PRKACB: variants seen among roughly 807,000 people sequenced by gnomAD.
The protein encoded by PRKACB is protein kinase cAMP-activated catalytic subunit beta, also known as cAMP-dependent protein kinase catalytic subunit beta.
In PRKACB, 16 loss-of-function variants were observed where a neutral mutation model predicts 51.4. That is an observed-to-expected ratio of 0.31 (90% CI 0.21 to 0.47). The LOEUF (loss-of-function observed/expected upper bound fraction) is 0.47, where lower values mean the gene tolerates loss of function less well. PRKACB is among the 20% of genes least tolerant of loss of function. The probability of loss-of-function intolerance (pLI) is 1.00; values close to 1 mark genes in which losing one functional copy is unlikely to be tolerated. For missense variants in PRKACB, 309 were observed against 464.5 expected (o/e 0.67, Z 3.08); for synonymous variants, 147 against 154.4 (o/e 0.95, Z 0.35).
intron 1 of PRKACB, among the ~76,000 whole-genome samples, chr1:84,083,903 T>C (rs1441511748): frequency 6.6e-6 from 1 of 152,210 alleles, no homozygotes; most frequent in Non-Finnish European, 1.5e-5. Flanking sequence ...GTACACATAA[T>C]TGAGCTCCTA....
In PRKACB at chr1:84,180,208, A is replaced by ATATATATATATATATATATG. The variant is rs933229907; in HGVS notation, c.249+971_249+972insATATATATATATATATATGT. Among the ~76,000 whole-genome samples, 6 of 129,934 alleles carry ATATATATATATATATATATG rather than the reference A, an allele frequency of 4.6e-5. No individual in the cohort carries two copies. The Admixed American group carries it at 4.8e-4, about 10-fold the overall frequency. 85.2% of individuals were successfully genotyped at this position (129,934 alleles called of 152,430 possible). On this transcript the variant is annotated intron_variant, in intron 2 of 9. Coordinates refer to ENST00000370685, the MANE Select transcript of PRKACB (RefSeq NM_182948.4). The stretch of plus-strand genomic sequence containing the variant: ...GATATATATATATATATATATATAT[A>ATATATATATATATATATATG]TGTATGATGGAGTACTATGCAGCCA...
intron 1 of PRKACB, among the ~76,000 whole-genome samples, chr1:84,152,612 A>G (rs1654979044): frequency 6.6e-6 from 1 of 152,208 alleles, no homozygotes. Flanking sequence ...TGTTATAGAA[A>G]GGGCTTCTTT....
chr1:84,145,435 A>G (rs1016235418), intron 1 of PRKACB, among the ~76,000 whole-genome samples: 3 of 152,096 alleles, frequency 2.0e-5, no homozygotes, highest in Non-Finnish European at 4.4e-5. Flanking sequence ...CTGTTTATGT[A>G]TTTGGTAGCA....
intron 3 of PRKACB, among the ~76,000 whole-genome samples, chr1:84,183,446 A>C (rs1401611178): frequency 6.6e-6 from 1 of 151,804 alleles, no homozygotes; most frequent in Non-Finnish European, 1.5e-5. Context: ...ATATAAAATA[A>C]ATTTTTAGAA....
intron 1 of PRKACB, among the ~76,000 whole-genome samples, chr1:84,148,234 A>G (rs2100622221): frequency 6.6e-6 from 1 of 152,206 alleles, no homozygotes; most frequent in South Asian, 2.1e-4. Flanking sequence ...GCATCCTCTC[A>G]GGTATCATCT....
At chr1:84,226,285 T>C (rs1674589778) in intron 9 of PRKACB, among the ~76,000 whole-genome samples, 1 of 150,052 alleles carries the variant, frequency 6.7e-6, no homozygotes. Flanking sequence ...TTTTTTTTTT[T>C]GGTCTCTCTA....
Position 84,159,319 on chromosome 1 carries a change from G to A in PRKACB, c.187+14771G>A, listed in dbSNP as rs757463024. On this transcript the variant is annotated intron_variant, in intron 1 of 9. Coordinates refer to ENST00000370685, the MANE Select transcript of PRKACB (RefSeq NM_182948.4). ...TTACATATTCTTTAATTTCTTTAGCGTTCCAGTCTTGTAAAAATGATTTCT... is the reference window on the plus strand; with the variant it reads ...TTACATATTCTTTAATTTCTTTAGCATTCCAGTCTTGTAAAAATGATTTCT... Among the ~76,000 whole-genome samples, 149 of 151,948 alleles carry A rather than the reference G, an allele frequency of 9.8e-4. 2 individuals carry two copies. Among genetic ancestry groups the A allele is most frequent in the Middle Eastern group, 6.8e-3 (2 of 292 alleles).
chr1:84,141,118 AAATT>A (rs1354176590), upstream of PRKACB, among the ~76,000 whole-genome samples: 4 of 152,084 alleles, frequency 2.6e-5, no homozygotes, highest in East Asian at 1.9e-4. Flanking sequence ...ATAATTTTAA[AAATT>A]AATGCAGAAT....
At chr1:84,080,219 T>A (rs1289644049) in intron 1 of PRKACB, among the ~76,000 whole-genome samples, 4 of 152,204 alleles carry the variant, frequency 2.6e-5, no homozygotes, top group African/African-American at 9.7e-5. Flanking sequence ...TAGACTCTTC[T>A]GTGACCTGTA....
intron 1 of PRKACB, among the ~76,000 whole-genome samples, chr1:84,080,320 A>G (rs1475710860): frequency 6.6e-6 from 1 of 152,246 alleles, no homozygotes; most frequent in East Asian, 1.9e-4. Context: ...TACTGAAAAC[A>G]GAATGGAAAC....
At chr1:84,109,825 C>T (rs983465972) in intron 1 of PRKACB, among the ~76,000 whole-genome samples, 1 of 151,778 alleles carries the variant, frequency 6.6e-6, no homozygotes, top group South Asian at 2.1e-4. Context: ...ATTTTATGCT[C>T]ATATTTCTAT....
intron 9 of PRKACB, among the ~76,000 whole-genome samples, chr1:84,223,766 A>T (rs1332376170): frequency 1.3e-5 from 2 of 152,120 alleles, no homozygotes; most frequent in South Asian, 4.1e-4. Flanking sequence ...GTGTTCTCTT[A>T]TATCTCACTG....
chr1:84,168,709 A>G (rs1571980387), intron 1 of PRKACB, among the ~76,000 whole-genome samples: 1 of 151,582 alleles, frequency 6.6e-6, no homozygotes, highest in East Asian at 1.9e-4. Flanking sequence ...GCTTTTCTTT[A>G]TGGAAAAGAA....
At chr1:84,219,940 G>A (rs1673457936) in intron 9 of PRKACB, among the ~76,000 whole-genome samples, 1 of 151,774 alleles carries the variant, frequency 6.6e-6, no homozygotes, top group Non-Finnish European at 1.5e-5. Context: ...AGGCTCTTTT[G>A]TGGTTCCATA....
At chr1:84,125,399 A>G (rs1458056985) in intron 1 of PRKACB, among the ~76,000 whole-genome samples, 1 of 152,168 alleles carries the variant, frequency 6.6e-6, no homozygotes, top group Non-Finnish European at 1.5e-5. Flanking sequence ...TTCAAGAGCA[A>G]ATTTTTTTAG....
At position 84,214,408 on chromosome 1, in the gene PRKACB, T is replaced by G. The variant is rs1463845239; in HGVS notation, c.1071+91T>G. 1.4e-5 allele frequency: 17 copies of G among 1,222,358 alleles called. No homozygotes were observed. In the South Asian group the frequency reaches 1.7e-4, roughly 13 times the overall value. 75.7% of individuals were successfully genotyped at this position (1,222,358 alleles called of 1,614,324 possible). On this transcript the variant is annotated intron_variant, in intron 9 of 9. Coordinates refer to ENST00000370685, the MANE Select transcript of PRKACB (RefSeq NM_182948.4). Reference sequence around the variant, plus strand: ...ATATTTTCAACTTAACACATAGTTTTAATTTTTTTACCTTTTGAATTAATC... The same window carrying G: ...ATATTTTCAACTTAACACATAGTTTGAATTTTTTTACCTTTTGAATTAATC...
intron 5 of PRKACB, among the ~76,000 whole-genome samples, chr1:84,187,706 T>C (rs1665573090): frequency 6.6e-6 from 1 of 152,146 alleles, no homozygotes; most frequent in South Asian, 2.1e-4. Context: ...AAAAATAATG[T>C]ACAGACTTAC....
chr1:84,184,976 C>A, intron 4 of PRKACB, 124 bp from the exon 5 acceptor site: 1 of 472,168 alleles, frequency 2.1e-6, no homozygotes, highest in South Asian at 4.6e-5. Context: ...TCCATTTATT[C>A]TTTATTTCTC....
intron 8 of PRKACB, among the ~76,000 whole-genome samples, chr1:84,210,789 G>A (rs1310370855): frequency 1.3e-5 from 2 of 152,076 alleles, no homozygotes; most frequent in African/African-American, 2.4e-5. Context: ...AAACAATTTT[G>A]TTGAAGTTAT....
Sources: gnomAD v4.1 joint callset for allele counts (sites outside exome capture counted in the v4.1 genomes callset) on GRCh38, gnomAD v4.1.1 for gene constraint, MANE v1.5 for transcripts, NCBI Gene and HGNC (gene_info 2026-07-23, HGNC 2026-07-21) for gene names.